SND1: variants seen among roughly 807,000 people sequenced by gnomAD.
SND1 encodes staphylococcal nuclease domain-containing protein 1.
In SND1, 38 loss-of-function variants were observed where a neutral mutation model predicts 121.7. That is an observed-to-expected ratio of 0.31 (90% confidence interval 0.24 to 0.41). The LOEUF (loss-of-function observed/expected upper bound fraction) is 0.41. Among genes scored for constraint, SND1 ranks in the 10% least tolerant of loss-of-function variants. The probability of loss-of-function intolerance (pLI) is 1.00; values close to 1 mark genes in which losing one functional copy is unlikely to be tolerated. For missense variants in SND1, 868 were observed against 1,184.6 expected (o/e 0.73, Z 3.92); for synonymous variants, 401 against 447.4 (o/e 0.90, Z 1.31).
At chr7:127,911,739 A>G (rs892836701) in intron 14 of SND1, among the ~76,000 whole-genome samples, 4 of 152,090 alleles carry the variant, frequency 2.6e-5, no homozygotes, top group African/African-American at 9.7e-5. Context: ...TGACCTCATG[A>G]TCTGCCCACC....
At chr7:128,091,331 A>G (rs1584784639) in intron 22 of SND1, among the ~76,000 whole-genome samples, 1 of 151,168 alleles carries the variant, frequency 6.6e-6, no homozygotes, top group Admixed American at 6.6e-5. Context: ...TGATCCTCCC[A>G]CCTCAGCCTG....
chr7:127,960,960 T>C (rs2116870386), intron 15 of SND1, among the ~76,000 whole-genome samples: 1 of 152,348 alleles, frequency 6.6e-6, no homozygotes, highest in Admixed American at 6.5e-5. Flanking sequence ...TAGTACCAAA[T>C]GTGTCCATTC....
intron 12 of SND1, among the ~76,000 whole-genome samples, chr7:127,883,542 G>A (rs891365889): frequency 5.9e-5 from 9 of 152,082 alleles, no homozygotes; most frequent in African/African-American, 1.9e-4. Context: ...GCAACTGGCC[G>A]ATCTATTGTA....
At chr7:127,825,589 T>TAG (rs1318014813) in intron 11 of SND1, among the ~76,000 whole-genome samples, 1 of 151,602 alleles carries the variant, frequency 6.6e-6, no homozygotes, top group African/African-American at 2.4e-5. Context: ...TGTACTTTAG[T>TAG]AGAGACGGGA....
intron 16 of SND1, among the ~76,000 whole-genome samples, chr7:128,020,296 A>C (rs1202712469): frequency 2.6e-5 from 4 of 152,210 alleles, no homozygotes; most frequent in African/African-American, 9.6e-5. Context: ...AAAGGGAACT[A>C]TAAAGGATTG....
chr7:127,955,244 C>T (rs1328104628), intron 15 of SND1, among the ~76,000 whole-genome samples: 3 of 152,184 alleles, frequency 2.0e-5, no homozygotes, highest in African/African-American at 4.8e-5. Flanking sequence ...GAGCAAGTAA[C>T]GAAGCCCACT....
chr7:127,939,731 G>A (rs1801149479), intron 15 of SND1, among the ~76,000 whole-genome samples: 1 of 152,150 alleles, frequency 6.6e-6, no homozygotes, highest in Admixed American at 6.5e-5. Context: ...TGATTGGGGT[G>A]TTCAGCCCTT....
chr7:127,748,171 C>T (rs767139934), intron 10 of SND1, among the ~76,000 whole-genome samples: 6 of 152,222 alleles, frequency 3.9e-5, no homozygotes, highest in Non-Finnish European at 8.8e-5. Context: ...GTTGTCTCCA[C>T]TGTGCCTGTG....
intron 11 of SND1, among the ~76,000 whole-genome samples, chr7:127,836,200 T>C (rs12668077): frequency 0.28 from 43,195 of 151,982 alleles, 7,723 homozygotes; most frequent in East Asian, 0.71. Context: ...AGAGGAGTGG[T>C]TGGGATAGGA....
chr7:127,862,424 C>G (rs996818069), intron 12 of SND1, among the ~76,000 whole-genome samples: 4 of 151,974 alleles, frequency 2.6e-5, no homozygotes, highest in Admixed American at 6.6e-5. Flanking sequence ...TATAAGTTAC[C>G]CATTCTCTCT....
At chr7:127,805,185 G>A (rs1228693464) in intron 10 of SND1, among the ~76,000 whole-genome samples, 1 of 151,992 alleles carries the variant, frequency 6.6e-6, no homozygotes, top group East Asian at 1.9e-4. Flanking sequence ...CCCTAACCCA[G>A]GCAATTTCTA....
intron 2 of SND1, among the ~76,000 whole-genome samples, chr7:127,688,736 A>T (rs984744886): frequency 1.1e-4 from 17 of 151,588 alleles, no homozygotes; most frequent in South Asian, 6.3e-4. Flanking sequence ...AAAATAATAA[A>T]AAAAAAAAAG....
intron 15 of SND1, among the ~76,000 whole-genome samples, chr7:127,967,486 T>G (rs1425481635): frequency 1.3e-5 from 2 of 152,232 alleles, no homozygotes; most frequent in Non-Finnish European, 2.9e-5. Flanking sequence ...TATGGCTTGA[T>G]GTACTCCCTT....
At chr7:127,835,951 C>G (rs542969820) in intron 11 of SND1, among the ~76,000 whole-genome samples, 3 of 152,128 alleles carry the variant, frequency 2.0e-5, no homozygotes, top group Non-Finnish European at 2.9e-5. Context: ...TTCTAGAAAT[C>G]TTTGCCATTT....
chr7:127,926,568 T>C (rs1263586366), intron 14 of SND1, among the ~76,000 whole-genome samples: 2 of 144,550 alleles, frequency 1.4e-5, no homozygotes, highest in African/African-American at 2.6e-5. Context: ...TTTTTTTTTT[T>C]TTTTGTCGGA....
chr7:127,679,496 A>G (rs1412368922), intron 1 of SND1, among the ~76,000 whole-genome samples: 2 of 152,202 alleles, frequency 1.3e-5, no homozygotes, highest in African/African-American at 2.4e-5. Context: ...TATATAATTC[A>G]GTGGCTTTTT....
rs1355282831 is a variant in SND1 at position 128,085,277 on chromosome 7, AG to A, written c.2234+431del. Among the ~76,000 whole-genome samples the A allele has an allele frequency of 6.6e-6, 1 of 152,162 alleles. No homozygotes were observed. Among genetic ancestry groups the A allele is most frequent in the Non-Finnish European group, 1.5e-5 (1 of 68,012 alleles). ...TGAGCAGCAGTGCTCACAGGCCGGA[AG>A]AAGGTCGCTGATGTGTAATCTACCA... On this transcript the variant is annotated intron_variant, in intron 19 of 23. Coordinates refer to ENST00000354725, the MANE Select transcript of SND1 (RefSeq NM_014390.4). This position sits in a 1 kb window ranked among gnomAD's most constrained non-coding sequence, Gnocchi z 4.4.
At chr7:127,686,881 G>A in intron 2 of SND1, 119 bp downstream of exon 2, 2 of 1,159,272 alleles carry the variant, frequency 1.7e-6, no homozygotes, top group Non-Finnish European at 2.4e-6. Flanking sequence ...TTATATCATA[G>A]AACTGCTGAT....
At chr7:128,047,916 C>T (rs138087657) in intron 16 of SND1, among the ~76,000 whole-genome samples, 6 of 150,544 alleles carry the variant, frequency 4.0e-5, no homozygotes, top group African/African-American at 9.8e-5. Context: ...GGTGTGATCT[C>T]GGCTCACTGC....
Sources: gnomAD v4.1 joint callset for allele counts (sites outside exome capture counted in the v4.1 genomes callset) on GRCh38, gnomAD v4.1.1 for gene constraint, Gnocchi (gnomAD v3.1) non-coding constraint, MANE v1.5 for transcripts, NCBI Gene and HGNC (gene_info 2026-07-23, HGNC 2026-07-21) for gene names.